LYST: variants seen among roughly 807,000 people sequenced by gnomAD.
The protein encoded by LYST is lysosomal trafficking regulator.
Under a neutral mutation model 413.6 loss-of-function variants are expected in LYST, and 192 were observed. That is an observed-to-expected ratio of 0.46 (90% CI 0.41 to 0.52). LYST has a LOEUF of 0.52. LYST is among the 20% of genes least tolerant of loss of function. The pLI is 0.00. For missense variants in LYST, 3,815 were observed against 4,499.9 expected (o/e 0.85, Z 4.35); for synonymous variants, 1,525 against 1,567.3 (o/e 0.97, Z 0.64).
At chr1:235,863,602 C>T (rs74148908) in intron 1 of LYST, among the ~76,000 whole-genome samples, 9,478 of 151,612 alleles carry the variant, frequency 0.063, 971 homozygotes, top group African/African-American at 0.22. Context: ...TCTCTACAAC[C>T]GAAGCTAACA....
chr1:235,844,493 T>TG (rs1385172074), intron 1 of LYST, among the ~76,000 whole-genome samples: 1 of 152,176 alleles, frequency 6.6e-6, no homozygotes, highest in African/African-American at 2.4e-5. Flanking sequence ...ACATATGTTT[T>TG]GGGGGGTAAT....
chr1:235,796,930 C>T (rs894007555), intron 10 of LYST, among the ~76,000 whole-genome samples: 1 of 152,080 alleles, frequency 6.6e-6, no homozygotes, highest in Non-Finnish European at 1.5e-5. Context: ...CAATGAGATA[C>T]CACTTCATAT....
chr1:235,778,905 T>G (rs147604420), intron 16 of LYST, among the ~76,000 whole-genome samples: 2,451 of 152,036 alleles, frequency 0.016, 34 homozygotes, highest in Non-Finnish European at 0.022. Flanking sequence ...TGACTCTTGT[T>G]GCCCAGGCTG....
intron 1 of LYST, among the ~76,000 whole-genome samples, chr1:235,874,395 G>T (rs545324397): frequency 6.6e-6 from 1 of 152,196 alleles, no homozygotes. Context: ...CGAGGGAGAT[G>T]AAGGTTATGG....
At chr1:235,690,070 T>C (rs1365965732) in intron 47 of LYST, among the ~76,000 whole-genome samples, 7 of 152,240 alleles carry the variant, frequency 4.6e-5, no homozygotes, top group Non-Finnish European at 8.8e-5. Context: ...GTGTAAAGAA[T>C]TTGATTGAAA....
intron 26 of LYST, 105 bp downstream of exon 26, chr1:235,752,939 G>A (rs1229067520): frequency 1.1e-5 from 7 of 643,734 alleles, no homozygotes; most frequent in East Asian, 2.8e-5. Flanking sequence ...ACACAGAAAG[G>A]CTTCTTACAT....
In LYST at chr1:235,804,369, A is replaced by T. The variant is rs1019311616; in HGVS notation, c.3555+135T>A. On this transcript the variant is annotated intron_variant, in intron 7 of 52. Transcript: ENST00000389793. ...CATCACATATCCATCACGAGGAGAT[A>T]AGATCCACTGAACTCATCTGACCAA... 5.3e-6 allele frequency: 4 copies of T among 748,002 alleles called. No homozygotes were observed. In the African/African-American group the frequency reaches 6.8e-5, roughly 13 times the overall value. 46.3% of individuals were successfully genotyped at this position (748,002 alleles called of 1,614,324 possible). A position where few individuals can be genotyped will look rare whatever the true frequency, so the allele number is the denominator to read the frequency against.
chr1:235,734,506 C>G lies in LYST; in HGVS notation c.8512G>C (p.Asp2838His). The change falls in exon 32 of 53, where the codon GAC becomes CAC. Residue 2838 changes from aspartate to histidine, a missense_variant. Physicochemically the swap from Asp to His is moderately conservative, Grantham distance 81. This residue lies in a region of LYST where 771 missense variants were observed against 837.1 expected (regional missense o/e 0.92). Coordinates refer to ENST00000389793, the MANE Select transcript of LYST (RefSeq NM_000081.4). ...ACCTCTTTGATCATTTTAATAAGGT[C>G]TGCTTTTGTTGATGCACTGGGAGGG... is the stretch of plus-strand genomic sequence containing the variant. ...CIPPSASTKA[D>H]LIKMIKEEQK... 6.2e-7 allele frequency: 1 copy of G among 1,613,602 alleles called. No homozygotes were observed. The highest frequency in any genetic ancestry group is 8.5e-7 in the Non-Finnish European group (1 of 1,179,590).
At chr1:235,858,711 T>G (rs774055922) in intron 1 of LYST, among the ~76,000 whole-genome samples, 2 of 152,170 alleles carry the variant, frequency 1.3e-5, no homozygotes, top group Non-Finnish European at 2.9e-5. Context: ...TTCCTTGACT[T>G]CCCACTACCC....
intron 19 of LYST, among the ~76,000 whole-genome samples, chr1:235,771,533 A>C (rs1211237406): frequency 1.3e-5 from 2 of 152,124 alleles, no homozygotes; most frequent in Admixed American, 1.3e-4. Flanking sequence ...ATTTGTTTAC[A>C]TATGCTATCC....
chr1:235,694,203 C>T (rs984580013), intron 46 of LYST, among the ~76,000 whole-genome samples: 2 of 151,510 alleles, frequency 1.3e-5, no homozygotes, highest in African/African-American at 4.9e-5. Flanking sequence ...TTAGTAGAGA[C>T]GGGGTTTCAT....
chr1:235,717,735 T>C (rs948017208), intron 40 of LYST, among the ~76,000 whole-genome samples: 1 of 152,158 alleles, frequency 6.6e-6, no homozygotes, highest in Non-Finnish European at 1.5e-5. Context: ...AATTACTATT[T>C]TCTAGGAATG....
At position 235,809,934 on chromosome 1, in the gene LYST, C is replaced by T; in HGVS notation, c.884G>A (p.Gly295Asp). ...GCTCAGACTGCAGCAGTCCCCAAAG[C>T]CTGCTAGGAATTCAGTTAGTGTGGG... is the stretch of plus-strand genomic sequence containing the variant. Reference protein sequence around the residue: ...VVPTLTEFLAGFGDCCSLSDN... With the variant: ...VVPTLTEFLADFGDCCSLSDN... Residue 295 changes from glycine (G) to aspartate (D), a missense_variant, in exon 5 of 53, where the codon GGC (glycine) becomes GAC (aspartate). Physicochemically the swap from Gly to Asp is moderately conservative, Grantham distance 94 (BLOSUM62 -1). Coordinates refer to ENST00000389793, the MANE Select transcript of LYST (RefSeq NM_000081.4). This position sits in a 1 kb window ranked among gnomAD's most constrained non-coding sequence, Gnocchi z 4.0. 3.1e-6 allele frequency: 5 copies of T among 1,613,904 alleles called. No homozygotes were observed. The highest frequency in any genetic ancestry group is 1.3e-5 in the African/African-American group (1 of 75,038).
chr1:235,706,470 A>G (rs1038234992), intron 44 of LYST, among the ~76,000 whole-genome samples: 4 of 152,170 alleles, frequency 2.6e-5, no homozygotes, highest in African/African-American at 9.7e-5. Context: ...TCATCAAACC[A>G]GACATAAAAA....
chr1:235,703,847 T>G (rs1393508581), intron 44 of LYST, among the ~76,000 whole-genome samples: 2 of 152,138 alleles, frequency 1.3e-5, no homozygotes, highest in Non-Finnish European at 2.9e-5. Flanking sequence ...TACAGATGAT[T>G]TCATCACCCA....
Position 235,663,024 on chromosome 1 carries a change from G to C in LYST, c.11322C>G (p.Thr3774=), listed in dbSNP as rs756678386. The C allele has an allele frequency of 2.5e-6, 4 of 1,613,842 alleles. No homozygotes were observed. The highest frequency in any genetic ancestry group is 2.7e-5 in the African/African-American group (2 of 74,852). The change falls in exon 53 of 53, where the codon ACC becomes ACG. Residue 3774 remains threonine (T), a synonymous_variant. Coordinates refer to ENST00000389793, the MANE Select transcript of LYST (RefSeq NM_000081.4). ...GGTCCTTCCGACACCAGGCAATCAC[G>C]GTCCCATCACTGTTTGCTGTGTACA... The part of the protein sequence containing the change: ...HHLYTANSDG[T]VIAWCRKDQQ...
intron 34 of LYST, 21 bp from the exon 35 acceptor site, chr1:235,731,198 G>C (rs775835568): frequency 1.2e-6 from 2 of 1,613,268 alleles, no homozygotes; most frequent in Non-Finnish European, 1.7e-6. Flanking sequence ...AAAGATTAAA[G>C]GGTGTTTTAA....
At chr1:235,678,708 G>T (rs1659575576) in intron 48 of LYST, among the ~76,000 whole-genome samples, 1 of 152,054 alleles carries the variant, frequency 6.6e-6, no homozygotes, top group Non-Finnish European at 1.5e-5. Flanking sequence ...TATAATTTGT[G>T]TACTGTTCTA....
At chr1:235,770,510 G>A (rs1572203838) in intron 19 of LYST, among the ~76,000 whole-genome samples, 2 of 152,122 alleles carry the variant, frequency 1.3e-5, no homozygotes, top group South Asian at 2.1e-4. Context: ...ATACAATATT[G>A]TATTAGGTGC....
Sources: gnomAD v4.1 joint callset for allele counts (sites outside exome capture counted in the v4.1 genomes callset) on GRCh38, gnomAD v4.1.1 for gene constraint, gnomAD v4.1.1 regional missense constraint, Gnocchi (gnomAD v3.1) non-coding constraint, MANE v1.5 for transcripts, NCBI Gene and HGNC (gene_info 2026-07-23, HGNC 2026-07-21) for gene names.